The following DOCK10 variants were observed in gnomAD, a reference collection of about 807,000 sequenced individuals.
DOCK10 encodes dedicator of cytokinesis protein 10.
A neutral mutation model predicts 280.1 loss-of-function variants in DOCK10; 145 were observed. That is an observed-to-expected ratio of 0.52 (90% confidence interval 0.45 to 0.59). The LOEUF is 0.59. Ranked by LOEUF, DOCK10 falls within the 20% of genes least tolerant of loss-of-function variation. The pLI is 0.00. For synonymous variants in DOCK10, 915 were observed against 942.2 expected, an observed-to-expected ratio of 0.97 and a Z score of 0.53; for missense variants, 2,368 against 2,651.7, an observed-to-expected ratio of 0.89 and a Z score of 2.35.
rs1316754392 is a variant in DOCK10, at chr2:224,876,203, A to G, written c.766T>C (p.Tyr256His). ...TCATTCATTTTCAATTCAAAGGCAT[A>G]TTTTCTTAGTCTGTTATTCTGTGGT... Reference protein sequence around the residue: ...GVVQNNRLRKYAFELKMNDLT... With the variant: ...GVVQNNRLRKHAFELKMNDLT... Residue 256 changes from tyrosine to histidine, a missense_variant, in exon 8 of 56, where the codon TAT (tyrosine) becomes CAT (histidine). This residue lies in a region of DOCK10 where 1,209 missense variants were observed against 1,250.9 expected (regional missense o/e 0.97). Coordinates refer to ENST00000258390, the MANE Select transcript of DOCK10 (RefSeq NM_014689.3). 3 of 1,611,082 alleles carry G rather than the reference A, an allele frequency of 1.9e-6. No homozygotes were observed. The highest frequency in any genetic ancestry group is 2.5e-6 in the Non-Finnish European group (3 of 1,178,426).
intron 4 of DOCK10, among the ~76,000 whole-genome samples, chr2:224,888,610 T>C (rs1699461956): frequency 6.6e-6 from 1 of 152,084 alleles, no homozygotes; most frequent in African/African-American, 2.4e-5. Context: ...TGTTTGTATG[T>C]ATATGTGTGT....
chr2:224,794,710 A>G (rs1692433368), intron 45 of DOCK10, among the ~76,000 whole-genome samples, 169 bp downstream of exon 45: 1 of 152,198 alleles, frequency 6.6e-6, no homozygotes. Flanking sequence ...AGCGTTAGGT[A>G]TCCTTGAATG....
At chr2:224,886,007 G>A in intron 6 of DOCK10, 56 bp downstream of exon 6, 1 of 1,607,246 alleles carries the variant, frequency 6.2e-7, no homozygotes, top group Non-Finnish European at 8.5e-7. Flanking sequence ...TGTGACCAGA[G>A]GAGGGAGTGT....
At chr2:224,849,387 T>A (rs1254732728) in intron 19 of DOCK10, 120 bp downstream of exon 19, 7 of 639,214 alleles carry the variant, frequency 1.1e-5, no homozygotes, top group African/African-American at 3.7e-5. Flanking sequence ...AGTACATACC[T>A]GCCAAGGCAT....
chr2:224,803,627 G>C (rs570542622), intron 39 of DOCK10, among the ~76,000 whole-genome samples: 2 of 152,120 alleles, frequency 1.3e-5, no homozygotes, highest in South Asian at 2.1e-4. Context: ...GAGGTTATGG[G>C]ACTATCCATG....
intron 1 of DOCK10, chr2:224,982,369 C>A (rs774484807): frequency 2.6e-5 from 32 of 1,231,870 alleles, no homozygotes; most frequent in Non-Finnish European, 3.1e-5. Context: ...TGCAGCCCAT[C>A]GCTGCATCCT....
intron 4 of DOCK10, among the ~76,000 whole-genome samples, chr2:224,889,945 T>C (rs192734390): frequency 1.1e-3 from 163 of 152,316 alleles, no homozygotes; most frequent in Non-Finnish European, 2.0e-3. Context: ...GTACCCTGTC[T>C]GCAGAGAACA....
At position 224,816,786 on chromosome 2, in the gene DOCK10, T is replaced by G. The variant is rs912532056; in HGVS notation, c.3268-73A>C. 19 of 817,490 alleles carry G rather than the reference T, an allele frequency of 2.3e-5. No homozygotes were observed. In the Admixed American group the frequency reaches 4.3e-4, roughly 19 times the overall value. The allele number at this position is 817,490 out of a possible 1,614,324, so 50.6% of individuals were successfully genotyped here. A position where few individuals can be genotyped will look rare whatever the true frequency, so the allele number is the denominator to read the frequency against. On this transcript the variant is annotated intron_variant, in intron 29 of 55. Coordinates refer to ENST00000258390, the MANE Select transcript of DOCK10 (RefSeq NM_014689.3). Reference sequence around the variant, plus strand: ...TGAATAAAAACAAACAAACAAAATCTGCACTTGAATCTTATCCCTAAAAAG... The same window carrying G: ...TGAATAAAAACAAACAAACAAAATCGGCACTTGAATCTTATCCCTAAAAAG...
At chr2:225,027,647 C>A (rs917173079) in intron 1 of DOCK10, among the ~76,000 whole-genome samples, 2 of 152,120 alleles carry the variant, frequency 1.3e-5, no homozygotes, top group African/African-American at 4.8e-5. Context: ...CCATGTAAGA[C>A]GCCCCACTTC....
chr2:224,877,322 A>G (rs1252108804), intron 7 of DOCK10, among the ~76,000 whole-genome samples: 1 of 151,946 alleles, frequency 6.6e-6, no homozygotes, highest in East Asian at 1.9e-4. Flanking sequence ...CTCCATGAGG[A>G]CTGGGTCAGT....
intron 45 of DOCK10, among the ~76,000 whole-genome samples, chr2:224,794,220 A>G (rs575416279): frequency 4.6e-5 from 7 of 152,312 alleles, no homozygotes; most frequent in African/African-American, 1.2e-4. Context: ...AGAGCTTCAG[A>G]GTTTAGGACT....
rs1690319849 is a variant in DOCK10 at position 224,770,021 on chromosome 2, A to T, written c.6444+190T>A. Among the ~76,000 whole-genome samples, 1 of 152,128 alleles carries T rather than the reference A, an allele frequency of 6.6e-6. No individual in the cohort carries two copies. The highest frequency in any genetic ancestry group is 1.5e-5 in the Non-Finnish European group (1 of 67,986). ...AGGTTCTCATAATCTTTTTCTACAG[A>T]GTTTCCCCCAGCCTGATCTCTGCTT... On this transcript the variant is annotated intron_variant, in intron 55 of 55. Transcript: ENST00000258390. The surrounding 1 kb of genome is among the most constrained non-coding windows in gnomAD (Gnocchi z 4.5).
At chr2:224,882,483 G>C (rs1466469994) in intron 7 of DOCK10, among the ~76,000 whole-genome samples, 2 of 152,142 alleles carry the variant, frequency 1.3e-5, no homozygotes, top group Admixed American at 1.3e-4. Context: ...CTCTGAGAAA[G>C]CTGGGAAGGA....
At chr2:224,841,691 A>C in intron 23 of DOCK10, 113 bp downstream of exon 23, 1 of 633,120 alleles carries the variant, frequency 1.6e-6, no homozygotes, top group Non-Finnish European at 2.8e-6. Flanking sequence ...TAAGGTATTA[A>C]AAAATCTTGA....
At chr2:224,778,076 A>G in intron 51 of DOCK10, 62 bp downstream of exon 51, 2 of 1,494,824 alleles carry the variant, frequency 1.3e-6, no homozygotes, top group Non-Finnish European at 1.8e-6. Context: ...AACTTAATGT[A>G]GTTAAAGAAT....
intron 28 of DOCK10, among the ~76,000 whole-genome samples, chr2:224,820,431 C>A (rs1460809829): frequency 6.6e-6 from 1 of 152,218 alleles, no homozygotes. Flanking sequence ...GCAGGTGCCT[C>A]CCATAGTGGA....
intron 50 of DOCK10, 23 bp from the exon 51 acceptor site, chr2:224,778,307 A>G: frequency 1.9e-6 from 3 of 1,582,914 alleles, no homozygotes; most frequent in Non-Finnish European, 1.7e-6. Context: ...ATGAACCACC[A>G]ATTTTATTAG....
At chr2:224,998,324 G>A (rs1706329195) in intron 1 of DOCK10, among the ~76,000 whole-genome samples, 1 of 146,604 alleles carries the variant, frequency 6.8e-6, no homozygotes, top group South Asian at 2.2e-4. Flanking sequence ...TGAACAAGGA[G>A]CAAACGAACA....
At chr2:224,993,539 G>C (rs559860591) in intron 1 of DOCK10, among the ~76,000 whole-genome samples, 3 of 152,334 alleles carry the variant, frequency 2.0e-5, no homozygotes, top group Non-Finnish European at 4.4e-5. Flanking sequence ...TGGGAGAACA[G>C]AGAACCTCCT....
Sources: gnomAD v4.1 joint callset for allele counts (sites outside exome capture counted in the v4.1 genomes callset) on GRCh38, gnomAD v4.1.1 for gene constraint, gnomAD v4.1.1 regional missense constraint, Gnocchi (gnomAD v3.1) non-coding constraint, MANE v1.5 for transcripts, NCBI Gene and HGNC (gene_info 2026-07-23, HGNC 2026-07-21) for gene names.